Variants in COG5 observed in about 807,000 individuals in gnomAD.
COG5 encodes the protein component of oligomeric golgi complex 5.
A neutral mutation model predicts 110.4 loss-of-function variants in COG5; 86 were observed. The ratio of observed to expected loss-of-function variants is 0.78; its 90% CI spans 0.65 to 0.93. COG5 has a LOEUF of 0.93. Ranked by LOEUF, COG5 falls within the 40% of genes least tolerant of loss-of-function variation. COG5 has a pLI of 0.00. For missense variants in COG5, 1,077 were observed against 987.0 expected, an observed-to-expected ratio of 1.09 and a Z score of -1.22; for synonymous variants, 360 against 334.6, an observed-to-expected ratio of 1.08 and a Z score of -0.83.
chr7:107,498,254 G>A (rs1447977752), intron 6 of COG5, among the ~76,000 whole-genome samples: 1 of 152,076 alleles, frequency 6.6e-6, no homozygotes, highest in Non-Finnish European at 1.5e-5. Flanking sequence ...CAAAAACACA[G>A]ACAACAAATG....
intron 6 of COG5, among the ~76,000 whole-genome samples, chr7:107,511,478 T>C (rs1799506782): frequency 6.6e-6 from 1 of 152,190 alleles, no homozygotes; most frequent in Admixed American, 6.5e-5. Context: ...AAGGAGGAGC[T>C]GGTACCATTC....
At chr7:107,563,729 G>C in intron 1 of COG5, 74 bp downstream of exon 1, 2 of 1,551,716 alleles carry the variant, frequency 1.3e-6, no homozygotes, top group Non-Finnish European at 8.9e-7. Context: ...AACGGGTTGG[G>C]TCCACCTCGC....
chr7:107,483,283 T>C (rs1446863828), intron 6 of COG5, among the ~76,000 whole-genome samples: 1 of 152,232 alleles, frequency 6.6e-6, no homozygotes, highest in African/African-American at 2.4e-5. Flanking sequence ...TCCAACCACA[T>C]CGATATTATC....
intron 14 of COG5, among the ~76,000 whole-genome samples, chr7:107,266,340 A>C (rs1045674279): frequency 6.6e-6 from 1 of 152,284 alleles, no homozygotes; most frequent in East Asian, 1.9e-4. Flanking sequence ...TGGTTTCATA[A>C]ATAAGATACA....
chr7:107,292,962 G>T (rs1207280708), intron 12 of COG5, among the ~76,000 whole-genome samples: 1 of 152,012 alleles, frequency 6.6e-6, no homozygotes, highest in South Asian at 2.1e-4. Context: ...ATATTTTCTG[G>T]GCCTTATCCC....
At chr7:107,331,990 A>G (rs1810292819) in intron 10 of COG5, among the ~76,000 whole-genome samples, 1 of 152,072 alleles carries the variant, frequency 6.6e-6, no homozygotes, top group Non-Finnish European at 1.5e-5. Flanking sequence ...CTGGGATTAC[A>G]GGCACCTGCT....
At chr7:107,360,992 T>C (rs564998563) in intron 10 of COG5, among the ~76,000 whole-genome samples, 1 of 152,220 alleles carries the variant, frequency 6.6e-6, no homozygotes, top group African/African-American at 2.4e-5. Context: ...CTGGGTCCTA[T>C]CCATCCTCCT....
intron 11 of COG5, among the ~76,000 whole-genome samples, chr7:107,308,481 C>T (rs1486582766): frequency 6.6e-6 from 1 of 152,034 alleles, no homozygotes; most frequent in Non-Finnish European, 1.5e-5. Flanking sequence ...AAGTGTTTGC[C>T]TTTTTAAATA....
chr7:107,320,990 C>T (rs1237187179), intron 11 of COG5, among the ~76,000 whole-genome samples: 3 of 152,116 alleles, frequency 2.0e-5, no homozygotes, highest in Admixed American at 2.0e-4. Flanking sequence ...ACCTCTTTAT[C>T]CAATTTAGAC....
At chr7:107,274,919 C>A (rs1169782437) in intron 14 of COG5, among the ~76,000 whole-genome samples, 1 of 152,038 alleles carries the variant, frequency 6.6e-6, no homozygotes, top group Non-Finnish European at 1.5e-5. Context: ...GAAAATCAAG[C>A]TCTTACAAGT....
chr7:107,302,068 A>G (rs1807312164), intron 11 of COG5, among the ~76,000 whole-genome samples: 1 of 152,232 alleles, frequency 6.6e-6, no homozygotes, highest in African/African-American at 2.4e-5. Flanking sequence ...ATATATCTAT[A>G]TAAGGAATTG....
chr7:107,542,216 A>G (rs1257645525), intron 5 of COG5, among the ~76,000 whole-genome samples: 1 of 152,220 alleles, frequency 6.6e-6, no homozygotes, highest in Admixed American at 6.5e-5. Context: ...AGCGAGAAGG[A>G]GAAAAAAATG....
chr7:107,242,873 G>A (rs1268035771), intron 17 of COG5, among the ~76,000 whole-genome samples: 2 of 152,238 alleles, frequency 1.3e-5, no homozygotes, highest in East Asian at 1.9e-4. Flanking sequence ...ACAAGCAAAC[G>A]ACCCTTGGCC....
chr7:107,372,910 C>T, intron 7 of COG5, 150 bp from the exon 8 acceptor site: 1 of 703,268 alleles, frequency 1.4e-6, no homozygotes, highest in Non-Finnish European at 2.3e-6. Context: ...AGAAAAAACA[C>T]ATTTTGAAGT....
At chr7:107,305,898 G>T (rs77936580) in intron 11 of COG5, among the ~76,000 whole-genome samples, 1 of 151,986 alleles carries the variant, frequency 6.6e-6, no homozygotes, top group Non-Finnish European at 1.5e-5. Flanking sequence ...GGAGGGATAC[G>T]CACTTTGTAT....
chr7:107,386,958 A>C (rs555388579), intron 7 of COG5, among the ~76,000 whole-genome samples: 12 of 152,046 alleles, frequency 7.9e-5, no homozygotes, highest in Non-Finnish European at 1.5e-4. Flanking sequence ...GGGCCAAAAT[A>C]ACAAAGAGGA....
chr7:107,285,275 C>G (rs1025124048), intron 12 of COG5, among the ~76,000 whole-genome samples: 3 of 152,154 alleles, frequency 2.0e-5, no homozygotes, highest in Non-Finnish European at 4.4e-5. Flanking sequence ...GTGTCTGAAG[C>G]AATCCTCTGT....
intron 14 of COG5, among the ~76,000 whole-genome samples, chr7:107,258,976 A>G (rs539683486): frequency 7.0e-4 from 107 of 152,276 alleles, no homozygotes; most frequent in African/African-American, 2.4e-3. Context: ...TTTTTTATAG[A>G]TTAAAAAAAA....
At chr7:107,291,039 C>CT (rs1313527428) in intron 12 of COG5, among the ~76,000 whole-genome samples, 1 of 152,124 alleles carries the variant, frequency 6.6e-6, no homozygotes, top group East Asian at 1.9e-4. Flanking sequence ...GTTTGTGGGT[C>CT]TTTTTGCATT....
Sources: gnomAD v4.1 joint callset for allele counts (sites outside exome capture counted in the v4.1 genomes callset) on GRCh38, gnomAD v4.1.1 for gene constraint, MANE v1.5 for transcripts, NCBI Gene and HGNC (gene_info 2026-07-23, HGNC 2026-07-21) for gene names.